Variants in PRKG1 observed in about 807,000 individuals in gnomAD.
PRKG1 encodes the protein protein kinase cGMP-dependent 1.
Under a neutral mutation model 88.1 loss-of-function variants are expected in PRKG1, and 35 were observed. The ratio of observed to expected loss-of-function variants is 0.40; its 90% confidence interval spans 0.30 to 0.53. The LOEUF is 0.53. Ranked by LOEUF, PRKG1 falls within the 20% of genes least tolerant of loss-of-function variation. The pLI, the probability that PRKG1 is intolerant of heterozygous loss-of-function variation, is 0.59. For synonymous variants in PRKG1, 303 were observed against 292.5 expected (o/e 1.04, Z -0.37); for missense variants, 540 against 839.8 (o/e 0.64, Z 4.41).
chr10:51,542,936 G>T (rs986176259), intron 3 of PRKG1, among the ~76,000 whole-genome samples: 7 of 152,168 alleles, frequency 4.6e-5, no homozygotes, highest in African/African-American at 1.7e-4. Context: ...GGTCATAAAT[G>T]ACAACATAGG....
At chr10:51,694,171 C>A (rs1020297915) in intron 3 of PRKG1, among the ~76,000 whole-genome samples, 1 of 152,124 alleles carries the variant, frequency 6.6e-6, no homozygotes, top group African/African-American at 2.4e-5. Context: ...TGTGAGAAGA[C>A]TCTCAGATGT....
At chr10:51,462,164 A>G (rs1387711497) in intron 2 of PRKG1, among the ~76,000 whole-genome samples, 2 of 152,232 alleles carry the variant, frequency 1.3e-5, no homozygotes, top group African/African-American at 4.8e-5. Context: ...TACAGAAGGA[A>G]GGAGATAAGA....
In PRKG1 at chr10:51,684,251, G is replaced by A. The variant is rs182315362; in HGVS notation, c.593-120334G>A. Among the ~76,000 whole-genome samples the A allele has an allele frequency of 2.4e-4, 37 of 152,238 alleles. No individual in the cohort carries two copies. In the South Asian group the frequency reaches 4.1e-3, roughly 17 times the overall value. On this transcript the variant is annotated intron_variant, in intron 3 of 17. Coordinates refer to ENST00000373980, the MANE Select transcript of PRKG1 (RefSeq NM_006258.4). ...AAGTAAAAGAAGCTGAAGACCATAC[G>A]TTGTATGATTCACTTTTTAGGAAAT...
intron 3 of PRKG1, among the ~76,000 whole-genome samples, chr10:51,670,527 G>C (rs948703097): frequency 1.3e-5 from 2 of 150,486 alleles, no homozygotes; most frequent in Non-Finnish European, 3.0e-5. Flanking sequence ...ACGAGGTCAG[G>C]AGATCGAGAC....
chr10:52,029,713 G>A lies in PRKG1; in HGVS notation c.763-24771G>A, dbSNP rs568309933. On this transcript the variant is annotated intron_variant, in intron 5 of 17. Coordinates refer to ENST00000373980, the MANE Select transcript of PRKG1 (RefSeq NM_006258.4). ...TCTAATTTAACATATTCAGGGAAAGGTCTAGGTATCAGAACTCTTAAACCT... is the reference window on the plus strand; with the variant it reads ...TCTAATTTAACATATTCAGGGAAAGATCTAGGTATCAGAACTCTTAAACCT... 3.3e-5 allele frequency among the ~76,000 whole-genome samples: 5 copies of A among 152,262 alleles called. No individual in the cohort carries two copies. The East Asian group carries it at 7.7e-4, about 24-fold the overall frequency.
chr10:51,844,236 A>T (rs780695512), intron 4 of PRKG1, among the ~76,000 whole-genome samples: 1 of 152,314 alleles, frequency 6.6e-6, no homozygotes, highest in South Asian at 2.1e-4. Context: ...AGTGAATAAG[A>T]GACTATTAAA....
At chr10:51,066,255 C>T (rs1843748417) in intron 1 of PRKG1, among the ~76,000 whole-genome samples, 1 of 152,058 alleles carries the variant, frequency 6.6e-6, no homozygotes, top group African/African-American at 2.4e-5. Flanking sequence ...ATTTTCACAA[C>T]CTAAGCAATA....
In PRKG1 at chr10:51,607,499, C is replaced by G. The variant is rs545878865; in HGVS notation, c.592+139663C>G. Among the ~76,000 whole-genome samples the G allele has an allele frequency of 1.6e-4, 25 of 152,292 alleles. No homozygotes were observed. In the South Asian group the frequency reaches 4.1e-3, roughly 25 times the overall value. The stretch of plus-strand genomic sequence containing the variant: ...AAAGTTGATGACATTTCTCAATTGT[C>G]TTGCTCTGCCTGGGAGCTCCAGCCT... On this transcript the variant is annotated intron_variant, in intron 3 of 17. Transcript: ENST00000373980.
intron 2 of PRKG1, among the ~76,000 whole-genome samples, chr10:51,453,325 A>C (rs941565289): frequency 6.6e-6 from 1 of 151,450 alleles, no homozygotes; most frequent in African/African-American, 2.4e-5. Flanking sequence ...TTCAGCTCTG[A>C]TCTTTGTGAT....
intron 4 of PRKG1, among the ~76,000 whole-genome samples, chr10:51,842,574 T>C (rs902603340): frequency 3.9e-5 from 6 of 152,194 alleles, no homozygotes; most frequent in Admixed American, 3.9e-4. Context: ...CTCTATGCTA[T>C]AAGAAACAAA....
At chr10:51,011,622 A>T (rs560108619) in intron 1 of PRKG1, among the ~76,000 whole-genome samples, 1 of 152,342 alleles carries the variant, frequency 6.6e-6, no homozygotes, top group South Asian at 2.1e-4. Context: ...ACATATCAAC[A>T]TTTAAGTGCC....
intron 1 of PRKG1, among the ~76,000 whole-genome samples, chr10:51,005,036 C>T (rs1175645723): frequency 5.3e-5 from 8 of 151,956 alleles, no homozygotes; most frequent in Non-Finnish European, 8.8e-5. Context: ...ATGGCAACCT[C>T]GGTAGAGATT....
At chr10:52,187,315 C>T (rs1217242147) in intron 9 of PRKG1, among the ~76,000 whole-genome samples, 1 of 151,872 alleles carries the variant, frequency 6.6e-6, no homozygotes. Context: ...ATGTATAATA[C>T]AATGAATTTT....
intron 7 of PRKG1, among the ~76,000 whole-genome samples, chr10:52,063,820 G>A (rs939942422): frequency 2.6e-5 from 4 of 151,954 alleles, no homozygotes; most frequent in Non-Finnish European, 4.4e-5. Flanking sequence ...TCTGCAGCTG[G>A]TCATCCCATC....
At chr10:51,486,000 C>T (rs1395849330) in intron 3 of PRKG1, among the ~76,000 whole-genome samples, 6 of 152,216 alleles carry the variant, frequency 3.9e-5, no homozygotes, top group Admixed American at 3.3e-4. Flanking sequence ...TGTTCGTTAC[C>T]GTCATTTATC....
intron 1 of PRKG1, among the ~76,000 whole-genome samples, chr10:51,102,800 T>C (rs961093640): frequency 2.0e-5 from 3 of 152,134 alleles, no homozygotes; most frequent in African/African-American, 7.2e-5. Flanking sequence ...GTTCACAAAG[T>C]ATTTTGGTGA....
At chr10:51,431,623 C>T (rs1327566592) in intron 2 of PRKG1, among the ~76,000 whole-genome samples, 1 of 152,064 alleles carries the variant, frequency 6.6e-6, no homozygotes, top group Non-Finnish European at 1.5e-5. Context: ...AATAATTGGA[C>T]AGCTCTGAGA....
intron 1 of PRKG1, among the ~76,000 whole-genome samples, chr10:51,122,761 G>T (rs891019985): frequency 2.6e-5 from 4 of 152,092 alleles, no homozygotes; most frequent in African/African-American, 9.7e-5. Context: ...TTGTTCTCCC[G>T]TTGAGCATCA....
chr10:51,404,870 T>C (rs1458562116), intron 2 of PRKG1, among the ~76,000 whole-genome samples: 1 of 152,104 alleles, frequency 6.6e-6, no homozygotes, highest in African/African-American at 2.4e-5. Flanking sequence ...CTTTAGGAAA[T>C]AAATGGTGAG....
Sources: allele counts gnomAD v4.1 joint callset (sites outside exome capture counted in the v4.1 genomes callset), GRCh38; gene constraint gnomAD v4.1.1; transcripts MANE v1.5; gene names NCBI Gene and HGNC (gene_info 2026-07-23, HGNC 2026-07-21).